PHF14: variants seen among roughly 807,000 people sequenced by gnomAD.
PHF14 encodes the protein PHD finger protein 14.
Under a neutral mutation model 117.9 loss-of-function variants are expected in PHF14, and 55 were observed. The ratio of observed to expected loss-of-function variants is 0.47; its 90% CI spans 0.38 to 0.58. The LOEUF is 0.58. Ranked by LOEUF, PHF14 falls within the 20% of genes least tolerant of loss-of-function variation. The probability of loss-of-function intolerance (pLI) is 0.00; values close to 1 mark genes in which losing one functional copy is unlikely to be tolerated. For synonymous variants in PHF14, 409 were observed against 368.6 expected (o/e 1.11, Z -1.26); for missense variants, 978 against 1,122.2 (o/e 0.87, Z 1.84).
At chr7:10,999,892 C>T (rs1782800261) in intron 4 of PHF14, among the ~76,000 whole-genome samples, 1 of 152,172 alleles carries the variant, frequency 6.6e-6, no homozygotes, top group Non-Finnish European at 1.5e-5. Context: ...ACTTTGATGG[C>T]AGTCCAAGTT....
chr7:11,024,519 G>T (rs922194710), intron 6 of PHF14, among the ~76,000 whole-genome samples: 2 of 152,176 alleles, frequency 1.3e-5, no homozygotes, highest in East Asian at 3.9e-4. Flanking sequence ...TGTCTCTCTT[G>T]TTTAGAGGTG....
chr7:11,082,779 C>G (rs568731256), intron 16 of PHF14, among the ~76,000 whole-genome samples: 28 of 152,356 alleles, frequency 1.8e-4, no homozygotes, highest in Admixed American at 1.7e-3. Flanking sequence ...AGCCTTCACA[C>G]TCAGTAGAAT....
At chr7:11,122,772 T>C (rs1787814533) in intron 17 of PHF14, among the ~76,000 whole-genome samples, 2 of 152,158 alleles carry the variant, frequency 1.3e-5, no homozygotes, top group Admixed American at 6.5e-5. Context: ...TCCACTGCCC[T>C]ATAGTTCCAG....
chr7:11,082,418 T>C (rs949516150), intron 16 of PHF14, among the ~76,000 whole-genome samples: 10 of 152,204 alleles, frequency 6.6e-5, no homozygotes, highest in Non-Finnish European at 1.0e-4. Flanking sequence ...AAGTCAATTC[T>C]CTTTTTGTTT....
At chr7:11,039,755 A>C (rs1784441072) in intron 11 of PHF14, among the ~76,000 whole-genome samples, 2 of 152,200 alleles carry the variant, frequency 1.3e-5, no homozygotes, top group Non-Finnish European at 2.9e-5. Flanking sequence ...GCTTTATGTG[A>C]AAAGAATGTG....
chr7:11,028,925 T>A, intron 7 of PHF14, 107 bp downstream of exon 7: 1 of 944,992 alleles, frequency 1.1e-6, no homozygotes, highest in Non-Finnish European at 1.5e-6. Flanking sequence ...CATTTATTCT[T>A]AAAGTTCTTG....
chr7:11,145,560 T>C (rs768300262), intron 17 of PHF14, among the ~76,000 whole-genome samples: 1 of 152,020 alleles, frequency 6.6e-6, no homozygotes, highest in Non-Finnish European at 1.5e-5. Flanking sequence ...TTTATAATTA[T>C]GAAAGCATTT....
chr7:11,083,774 T>G (rs1786265501), intron 16 of PHF14, among the ~76,000 whole-genome samples: 1 of 152,056 alleles, frequency 6.6e-6, no homozygotes, highest in African/African-American at 2.4e-5. Flanking sequence ...TTCCCTAATT[T>G]TACCTAATGA....
chr7:11,038,462 A>G (rs1234463437), intron 10 of PHF14, among the ~76,000 whole-genome samples: 1 of 150,788 alleles, frequency 6.6e-6, no homozygotes. Context: ...GATCGAGACC[A>G]TCCTGGCCAA....
chr7:11,066,698 T>C (rs1297229606), intron 16 of PHF14, among the ~76,000 whole-genome samples: 1 of 152,222 alleles, frequency 6.6e-6, no homozygotes, highest in African/African-American at 2.4e-5. Context: ...ATTAAATTAC[T>C]TTGGTGCCAC....
intron 3 of PHF14, among the ~76,000 whole-genome samples, chr7:10,983,850 C>A (rs1433610598): frequency 1.3e-5 from 2 of 152,156 alleles, no homozygotes; most frequent in African/African-American, 4.8e-5. Context: ...AGTGCTTCTA[C>A]TTGAAGTTCT....
chr7:11,036,214 AGTT>A (rs1784322067), intron 8 of PHF14, among the ~76,000 whole-genome samples: 1 of 152,304 alleles, frequency 6.6e-6, no homozygotes, highest in African/African-American at 2.4e-5. Context: ...AAGTTAGGAC[AGTT>A]GTTACTAGGG....
At chr7:11,149,393 G>A (rs1477833762) in intron 17 of PHF14, among the ~76,000 whole-genome samples, 2 of 152,050 alleles carry the variant, frequency 1.3e-5, no homozygotes, top group African/African-American at 4.8e-5. Flanking sequence ...GGACCCTGGG[G>A]AAGTTCATTA....
intron 16 of PHF14, among the ~76,000 whole-genome samples, chr7:11,082,931 C>A (rs1786208047): frequency 6.6e-6 from 1 of 152,168 alleles, no homozygotes; most frequent in African/African-American, 2.4e-5. Context: ...TACTACATGC[C>A]CAGGCATGCC....
At chr7:10,994,791 C>T (rs1782574731) in intron 4 of PHF14, among the ~76,000 whole-genome samples, 1 of 152,032 alleles carries the variant, frequency 6.6e-6, no homozygotes, top group Non-Finnish European at 1.5e-5. Flanking sequence ...AGTGAAGCTG[C>T]AGACCTTCGC....
At position 10,983,861 on chromosome 7, in the gene PHF14, A is replaced by C. The variant is rs114479165; in HGVS notation, c.900+702A>C. On this transcript the variant is annotated intron_variant, in intron 3 of 17. Transcript: ENST00000634607. ...GCTCAGTGCTTCTACTTGAAGTTCT[A>C]CTACTGAAAGTTAGGTTTATTCATT... is the stretch of plus-strand genomic sequence containing the variant. 8.5e-5 allele frequency among the ~76,000 whole-genome samples: 13 copies of C among 152,178 alleles called. No homozygotes were observed. In the South Asian group the frequency reaches 1.0e-3, roughly 12 times the overall value.
In PHF14 at chr7:11,072,350, C is replaced by T. The variant is rs140754784; in HGVS notation, c.2654+10265C>T. ...AAACCATTCATGAGAAATCTACCCC[C>T]GTGATCCAGTCACCTCCCATCAGGT... is the stretch of plus-strand genomic sequence containing the variant. On this transcript the variant is annotated intron_variant, in intron 16 of 17. Coordinates refer to ENST00000634607, the MANE Select transcript of PHF14 (RefSeq NM_001007157.2). 6.9e-3 allele frequency among the ~76,000 whole-genome samples: 1,051 copies of T among 152,272 alleles called. 44 individuals are homozygous for T. The highest frequency in any genetic ancestry group is 0.056 in the Admixed American group (860 of 15,292).
intron 14 of PHF14, among the ~76,000 whole-genome samples, chr7:11,054,118 T>G (rs1193735837): frequency 1.3e-5 from 2 of 151,752 alleles, no homozygotes; most frequent in Non-Finnish European, 2.9e-5. Context: ...TTAAGACACT[T>G]TTTTTTTGGT....
chr7:11,113,317 A>G (rs1261617706), intron 17 of PHF14, among the ~76,000 whole-genome samples: 1 of 152,136 alleles, frequency 6.6e-6, no homozygotes, highest in Non-Finnish European at 1.5e-5. Flanking sequence ...TACATGCCAT[A>G]GGTGCCAGTA....
Sources: allele counts gnomAD v4.1 joint callset (sites outside exome capture counted in the v4.1 genomes callset), GRCh38; gene constraint gnomAD v4.1.1; transcripts MANE v1.5; gene names NCBI Gene and HGNC (gene_info 2026-07-23, HGNC 2026-07-21).